PDE10A: variants seen among roughly 807,000 people sequenced by gnomAD.
PDE10A encodes the protein cAMP and cAMP-inhibited cGMP 3',5'-cyclic phosphodiesterase 10A.
Under a neutral mutation model 97.7 loss-of-function variants are expected in PDE10A, and 39 were observed. The ratio of observed to expected loss-of-function variants is 0.40; its 90% confidence interval spans 0.31 to 0.52. The LOEUF (loss-of-function observed/expected upper bound fraction) is 0.52, where lower values mean the gene tolerates loss of function less well. Ranked by LOEUF, PDE10A falls within the 20% of genes least tolerant of loss-of-function variation. The pLI, the probability that PDE10A is intolerant of heterozygous loss-of-function variation, is 0.56. For synonymous variants in PDE10A, 371 were observed against 376.8 expected (o/e 0.98, Z 0.18); for missense variants, 731 against 1,047.8 (o/e 0.70, Z 4.17).
At chr6:165,692,430 A>G (rs975792522) in intron 1 of PDE10A, among the ~76,000 whole-genome samples, 4 of 152,122 alleles carry the variant, frequency 2.6e-5, no homozygotes, top group African/African-American at 2.4e-5. Context: ...CATCGTCATC[A>G]TTTGGTCACT....
At chr6:165,526,934 C>A (rs1416084732) in intron 2 of PDE10A, among the ~76,000 whole-genome samples, 1 of 152,216 alleles carries the variant, frequency 6.6e-6, no homozygotes, top group Non-Finnish European at 1.5e-5. Flanking sequence ...TCACTTCTTG[C>A]TTCTGCAAGG....
chr6:165,375,275 G>A (rs1468191824), intron 18 of PDE10A, among the ~76,000 whole-genome samples: 7 of 152,160 alleles, frequency 4.6e-5, no homozygotes, highest in African/African-American at 1.7e-4. Flanking sequence ...GCCAAGTTGT[G>A]AATGGAAAGA....
intron 2 of PDE10A, among the ~76,000 whole-genome samples, chr6:165,513,865 CTAAT>C: frequency 6.6e-6 from 1 of 152,154 alleles, no homozygotes; most frequent in Middle Eastern, 3.4e-3. Context: ...TGAGACCTTG[CTAAT>C]TTATTCATTA....
At chr6:165,534,311 C>A (rs1247261483) in intron 2 of PDE10A, among the ~76,000 whole-genome samples, 42 of 130,726 alleles carry the variant, frequency 3.2e-4, no homozygotes, top group Non-Finnish European at 3.8e-4. Context: ...AGTCTTCCAT[C>A]AAAAAAAAAA....
chr6:165,881,465 A>G (rs2453397), intron 1 of PDE10A, among the ~76,000 whole-genome samples: 113,199 of 146,316 alleles, frequency 0.77, 43,784 homozygotes, highest in East Asian at 0.96. Flanking sequence ...GTGGGATTTC[A>G]GCTCACTGCA....
At chr6:165,617,703 T>A (rs970335294) in intron 1 of PDE10A, among the ~76,000 whole-genome samples, 1 of 152,088 alleles carries the variant, frequency 6.6e-6, no homozygotes, top group African/African-American at 2.4e-5. Context: ...AAAGTCCCAG[T>A]TGGTCAGTCC....
At chr6:165,607,754 T>C (rs1380058563) in intron 1 of PDE10A, among the ~76,000 whole-genome samples, 1 of 152,162 alleles carries the variant, frequency 6.6e-6, no homozygotes, top group Admixed American at 6.5e-5. Context: ...TCATTCAGTT[T>C]ATAAGGATGA....
chr6:165,552,932 A>G (rs1382893183), intron 1 of PDE10A, among the ~76,000 whole-genome samples: 1 of 152,214 alleles, frequency 6.6e-6, no homozygotes, highest in Non-Finnish European at 1.5e-5. Context: ...CCAGTTCACA[A>G]GATCACAGAC....
intron 2 of PDE10A, among the ~76,000 whole-genome samples, chr6:165,488,255 G>A (rs1347195578): frequency 1.3e-5 from 2 of 152,034 alleles, no homozygotes; most frequent in East Asian, 1.9e-4. Flanking sequence ...TTGTTAAAGA[G>A]AAATTTAGTT....
chr6:165,544,175 CATT>C (rs778429265), intron 1 of PDE10A, among the ~76,000 whole-genome samples: 37 of 152,090 alleles, frequency 2.4e-4, no homozygotes, highest in Non-Finnish European at 4.6e-4. Context: ...TAAATGAATA[CATT>C]ATTATCTTTT....
intron 1 of PDE10A, among the ~76,000 whole-genome samples, chr6:165,558,496 C>T (rs964721830): frequency 2.0e-5 from 3 of 152,148 alleles, no homozygotes; most frequent in Admixed American, 2.0e-4. Context: ...TATTCATATA[C>T]AGACTTGAAA....
At chr6:165,738,292 T>G (rs1010762412) in intron 1 of PDE10A, among the ~76,000 whole-genome samples, 1 of 151,878 alleles carries the variant, frequency 6.6e-6, no homozygotes. Flanking sequence ...AATAGTTTAC[T>G]GAGAATGATG....
intron 1 of PDE10A, among the ~76,000 whole-genome samples, chr6:165,620,855 T>C (rs1241894287): frequency 2.0e-5 from 3 of 152,020 alleles, no homozygotes; most frequent in Non-Finnish European, 4.4e-5. Flanking sequence ...ACCCCGTCTC[T>C]ACTAAAAATA....
intron 3 of PDE10A, among the ~76,000 whole-genome samples, chr6:165,479,684 A>G (rs997818090): frequency 1.3e-5 from 2 of 152,168 alleles, no homozygotes; most frequent in African/African-American, 4.8e-5. Flanking sequence ...ACTCCCCTCT[A>G]TACTATGAGA....
intron 1 of PDE10A, among the ~76,000 whole-genome samples, chr6:165,864,102 C>T (rs1780977610): frequency 6.6e-6 from 1 of 152,088 alleles, no homozygotes; most frequent in Non-Finnish European, 1.5e-5. Context: ...CTAAAGACAC[C>T]TCATTGTGTA....
At chr6:165,879,694 G>A (rs987759496) in intron 1 of PDE10A, among the ~76,000 whole-genome samples, 19 of 152,174 alleles carry the variant, frequency 1.2e-4, no homozygotes, top group Non-Finnish European at 2.4e-4. Flanking sequence ...AAATTGTCTC[G>A]AGATTACTCA....
intron 1 of PDE10A, among the ~76,000 whole-genome samples, chr6:165,878,306 T>C (rs1196766336): frequency 1.3e-5 from 2 of 152,204 alleles, no homozygotes; most frequent in African/African-American, 4.8e-5. Context: ...AAGTCATGCA[T>C]GGTCATTAGA....
chr6:165,701,281 A>T (rs904764510), intron 1 of PDE10A, among the ~76,000 whole-genome samples: 1 of 152,190 alleles, frequency 6.6e-6, no homozygotes, highest in Non-Finnish European at 1.5e-5. Flanking sequence ...TTGGGTGGCT[A>T]TGTGCATTAC....
At chr6:165,780,846 T>C (rs1383692989) in intron 1 of PDE10A, 1 of 152,306 alleles carries the variant, frequency 6.6e-6, no homozygotes, top group Non-Finnish European at 1.5e-5. Flanking sequence ...ATGGTTCAGT[T>C]CTAGGCTTTC....
Sources: gnomAD v4.1 joint callset for allele counts (sites outside exome capture counted in the v4.1 genomes callset) on GRCh38, gnomAD v4.1.1 for gene constraint, MANE v1.5 for transcripts, NCBI Gene and HGNC (gene_info 2026-07-23, HGNC 2026-07-21) for gene names.